The following ARHGAP35 variants were observed in gnomAD, a reference collection of about 807,000 sequenced individuals.
ARHGAP35 encodes rho GTPase-activating protein 35.
A neutral mutation model predicts 111.1 loss-of-function variants in ARHGAP35; 15 were observed. That is an observed-to-expected ratio of 0.13 (90% CI 0.09 to 0.21). ARHGAP35 has a LOEUF of 0.21. Among genes scored for constraint, ARHGAP35 ranks in the 10% least tolerant of loss-of-function variants. The pLI, the probability that ARHGAP35 is intolerant of heterozygous loss-of-function variation, is 1.00. For synonymous variants in ARHGAP35, 643 were observed against 710.3 expected (o/e 0.91, Z 1.51); for missense variants, 1,262 against 1,873.0 (o/e 0.67, Z 6.02).
At chr19:46,938,062 G>A (rs967655041) in intron 3 of ARHGAP35, among the ~76,000 whole-genome samples, 1 of 152,236 alleles carries the variant, frequency 6.6e-6, no homozygotes, top group Non-Finnish European at 1.5e-5. Context: ...GAGCTCTCAT[G>A]TGTCCCTTTG....
chr19:46,948,420 G>C (rs1422670963), intron 3 of ARHGAP35: 1 of 152,300 alleles, frequency 6.6e-6, no homozygotes, highest in East Asian at 1.9e-4. Flanking sequence ...CCACTTCTAG[G>C]TATTTGCCCA....
At chr19:46,978,717 G>A (rs116217846) in intron 3 of ARHGAP35, among the ~76,000 whole-genome samples, 1,407 of 65,118 alleles carry the variant, frequency 0.022, 56 homozygotes, top group African/African-American at 0.083. Flanking sequence ...GTGTGTGGTG[G>A]GATGTGTGTG....
chr19:46,906,344 C>T (rs1384607866), intron 1 of ARHGAP35, among the ~76,000 whole-genome samples: 4 of 151,964 alleles, frequency 2.6e-5, no homozygotes, highest in African/African-American at 7.3e-5. Flanking sequence ...ATTGGACTTG[C>T]TCTCTTGAGG....
At chr19:46,912,692 T>C (rs1260587472) in intron 1 of ARHGAP35, among the ~76,000 whole-genome samples, 2 of 152,120 alleles carry the variant, frequency 1.3e-5, no homozygotes, top group African/African-American at 4.8e-5. Context: ...TATCCCATCC[T>C]TCCTGGCCTA....
chr19:46,877,208 C>T (rs2055928822), intron 1 of ARHGAP35, among the ~76,000 whole-genome samples: 1 of 140,738 alleles, frequency 7.1e-6, no homozygotes, highest in African/African-American at 2.7e-5. Context: ...GCTGAGATCA[C>T]GCCATTGCGC....
At chr19:46,998,101 CAAAAAAA>C (rs797001984) in intron 5 of ARHGAP35, among the ~76,000 whole-genome samples, 14 of 135,286 alleles carry the variant, frequency 1.0e-4, no homozygotes, top group African/African-American at 3.5e-4. Flanking sequence ...GACTCCGTCT[CAAAAAAA>C]AAAAGAAAAA....
chr19:46,923,949 AT>A (rs2056223808), intron 2 of ARHGAP35, among the ~76,000 whole-genome samples: 1 of 151,714 alleles, frequency 6.6e-6, no homozygotes, highest in Non-Finnish European at 1.5e-5. Flanking sequence ...AGGAAAAAAA[AT>A]GTGTATATAT....
chr19:47,001,394 C>G lies in ARHGAP35; in HGVS notation c.*706C>G, dbSNP rs748695169. 3.1e-6 allele frequency: 4 copies of G among 1,288,000 alleles called. No homozygotes were observed. Among genetic ancestry groups the G allele is most frequent in the East Asian group, 1.1e-4 (2 of 18,014 alleles). The allele number at this position is 1,288,000 out of a possible 1,614,324, so 79.8% of individuals were successfully genotyped here. On this transcript the variant is annotated 3_prime_UTR_variant, in exon 7 of 7. Transcript: ENST00000672722. This position sits in a 1 kb window ranked among gnomAD's most constrained non-coding sequence, Gnocchi z 5.4. ...ACACTAGGAGAAAAAATGGAAAAAC[C>G]CTTCCAGTAATTAAAAAGGAAGAAA...
Position 46,920,326 on chromosome 19 carries a change from G to A in ARHGAP35, c.1651G>A (p.Val551Met), listed in dbSNP as rs2056190906. Residue 551 changes from valine (V) to methionine (M), a missense_variant, in exon 2 of 7, where the codon GTG (valine) becomes ATG (methionine). By Grantham distance (21) the Val-to-Met change is conservative. Transcript: ENST00000672722. This position sits in a 1 kb window ranked among gnomAD's most constrained non-coding sequence, Gnocchi z 7.0. ...DALILKHIHFVYHPTKETCPS... is the reference protein window; with the variant it reads ...DALILKHIHFMYHPTKETCPS... ...CCTTATTCTGAAACACATTCATTTT[G>A]TGTACCACCCAACAAAGGAGACATG... The A allele has an allele frequency of 6.2e-7, 1 of 1,613,850 alleles. No homozygotes were observed.
chr19:46,861,564 C>T (rs2055827659), intron 1 of ARHGAP35, among the ~76,000 whole-genome samples: 1 of 151,476 alleles, frequency 6.6e-6, no homozygotes, highest in African/African-American at 2.4e-5. Context: ...CCCCCTTCCA[C>T]CCCTCCATAA....
At chr19:46,905,483 C>G (rs2056102100) in intron 1 of ARHGAP35, among the ~76,000 whole-genome samples, 1 of 151,268 alleles carries the variant, frequency 6.6e-6, no homozygotes, top group Non-Finnish European at 1.5e-5. Flanking sequence ...TCAAGAGACT[C>G]TCCTGCCTCA....
chr19:46,868,283 A>G (rs2055869162), intron 1 of ARHGAP35, among the ~76,000 whole-genome samples: 1 of 152,184 alleles, frequency 6.6e-6, no homozygotes, highest in Non-Finnish European at 1.5e-5. Context: ...TGATTTCAAA[A>G]TTTGTTTATT....
In ARHGAP35 at chr19:46,926,353, T is replaced by A. The variant is rs1034815576; in HGVS notation, c.3681+3997T>A. 3.3e-5 allele frequency among the ~76,000 whole-genome samples: 5 copies of A among 152,198 alleles called. No individual in the cohort carries two copies. The highest frequency in any genetic ancestry group is 7.3e-5 in the Non-Finnish European group (5 of 68,036). On this transcript the variant is annotated intron_variant, in intron 2 of 6. Transcript: ENST00000672722. The surrounding 1 kb of genome is among the most constrained non-coding windows in gnomAD (Gnocchi z 4.1). ...GCTGAATGAAATTGAAAATCTACGA[T>A]TGCACTTCAGTAGGGTCCATGAATA...
chr19:46,989,793 G>C lies in ARHGAP35; in HGVS notation c.4036+118G>C. On this transcript the variant is annotated intron_variant, in intron 5 of 6. Transcript: ENST00000672722. The surrounding 1 kb of genome is among the most constrained non-coding windows in gnomAD (Gnocchi z 5.3). ...TTAGAGCTGAGGTTTGAAGGACAGA[G>C]GGCAAGGGAATTAACCAGATGACAG... is the stretch of plus-strand genomic sequence containing the variant. The C allele has an allele frequency of 6.6e-7, 1 of 1,511,608 alleles. No individual in the cohort carries two copies. Among genetic ancestry groups the C allele is most frequent in the Middle Eastern group, 2.2e-4 (1 of 4,496 alleles). The allele number at this position is 1,511,608 out of a possible 1,614,324, so 93.6% of individuals were successfully genotyped here.
intron 3 of ARHGAP35, among the ~76,000 whole-genome samples, chr19:46,938,416 C>T (rs1436152064): frequency 6.6e-6 from 1 of 151,630 alleles, no homozygotes; most frequent in Non-Finnish European, 1.5e-5. Context: ...TGCAGTGACA[C>T]GATCTCAACT....
Position 46,993,082 on chromosome 19 carries a change from A to G in ARHGAP35, c.4036+3407A>G, listed in dbSNP as rs1187873661. ...GGGACAGATGGCAGTGGGCACACAC[A>G]TATGTGGTCCCAGGCTCAGTCTGGT... On this transcript the variant is annotated intron_variant, in intron 5 of 6. Coordinates refer to ENST00000672722, the MANE Select transcript of ARHGAP35 (RefSeq NM_004491.5). This position sits in a 1 kb window ranked among gnomAD's most constrained non-coding sequence, Gnocchi z 4.6. 6.6e-6 allele frequency among the ~76,000 whole-genome samples: 1 copy of G among 152,172 alleles called. No homozygotes were observed. The highest frequency in any genetic ancestry group is 1.5e-5 in the Non-Finnish European group (1 of 68,030).
intron 5 of ARHGAP35, among the ~76,000 whole-genome samples, chr19:46,998,384 G>A (rs1408930960): frequency 1.3e-5 from 2 of 152,150 alleles, no homozygotes; most frequent in East Asian, 3.9e-4. Flanking sequence ...AAGGAAACAT[G>A]GGGGCATCTT....
intron 3 of ARHGAP35, among the ~76,000 whole-genome samples, chr19:46,969,786 C>T (rs927676944): frequency 2.0e-5 from 3 of 152,202 alleles, no homozygotes; most frequent in African/African-American, 7.2e-5. Context: ...CTGTCTGCTA[C>T]AAGTGTTACT....
chr19:46,930,193 T>C (rs1317384284), intron 2 of ARHGAP35, among the ~76,000 whole-genome samples: 1 of 151,874 alleles, frequency 6.6e-6, no homozygotes, highest in Non-Finnish European at 1.5e-5. Flanking sequence ...ATGGCAAAAC[T>C]CCGTCTCTAC....
Sources: gnomAD v4.1 joint callset for allele counts (sites outside exome capture counted in the v4.1 genomes callset) on GRCh38, gnomAD v4.1.1 for gene constraint, Gnocchi (gnomAD v3.1) non-coding constraint, MANE v1.5 for transcripts, NCBI Gene and HGNC (gene_info 2026-07-23, HGNC 2026-07-21) for gene names.